NCOA1: variants seen among roughly 807,000 people sequenced by gnomAD.
NCOA1 encodes the protein nuclear receptor coactivator 1, also known as Hin-2 protein.
A neutral mutation model predicts 150.9 loss-of-function variants in NCOA1; 35 were observed. The observed-to-expected ratio is 0.23, with a 90% CI of 0.18 to 0.31. NCOA1 has a LOEUF of 0.31. Among genes scored for constraint, NCOA1 ranks in the 10% least tolerant of loss-of-function variants. The pLI is 1.00. For missense variants in NCOA1, 1,491 were observed against 1,749.3 expected (o/e 0.85, Z 2.63); for synonymous variants, 590 against 630.0 (o/e 0.94, Z 0.95).
chr2:24,750,335 A>G (rs940134082), intron 19 of NCOA1, among the ~76,000 whole-genome samples: 105 of 152,316 alleles, frequency 6.9e-4, no homozygotes, highest in African/African-American at 2.4e-3. Context: ...TATCTACCTA[A>G]TTTCAAAAAT....
chr2:24,689,124 C>T (rs1376531659), intron 8 of NCOA1, among the ~76,000 whole-genome samples: 1 of 152,028 alleles, frequency 6.6e-6, no homozygotes, highest in Non-Finnish European at 1.5e-5. Context: ...TTACTGTACC[C>T]CTGTAATATA....
chr2:24,707,194 T>G lies in NCOA1; in HGVS notation c.1724T>G (p.Ile575Arg), dbSNP rs201668820. The G allele has an allele frequency of 9.3e-6, 15 of 1,614,204 alleles. No homozygotes were observed. The highest frequency in any genetic ancestry group is 1.2e-5 in the Non-Finnish European group (14 of 1,180,026). ...CAGAATTCACCTAGCAGATTAAATA[T>G]ACAACCAGCAAAAGCTGAGTCCAAA... Reference protein sequence around the residue: ...SSQNSPSRLNIQPAKAESKDN... With the variant: ...SSQNSPSRLNRQPAKAESKDN... The change falls in exon 13 of 23, where the codon ATA becomes AGA. Residue 575 changes from isoleucine (I) to arginine (R), a missense_variant. By Grantham distance (97) the Ile-to-Arg change is moderately conservative. Transcript: ENST00000348332.
At chr2:24,737,387 T>G (rs953494786) in intron 17 of NCOA1, among the ~76,000 whole-genome samples, 2 of 152,184 alleles carry the variant, frequency 1.3e-5, no homozygotes, top group African/African-American at 4.8e-5. Context: ...AGAAAGTACT[T>G]GTAGATTTAT....
rs568840668 is a variant in NCOA1, at chr2:24,528,220, A to G, written c.-395-36075A>G. ...GCCTGAGCTTTTGGTGTGTTGTGTT[A>G]AGAAATCATTGCCAAGGCCACTGTC... is the stretch of plus-strand genomic sequence containing the variant. On this transcript the variant is annotated intron_variant, in intron 1 of 22. Coordinates refer to ENST00000348332, the MANE Select transcript of NCOA1 (RefSeq NM_003743.5). Among the ~76,000 whole-genome samples, 4 of 152,188 alleles carry G rather than the reference A, an allele frequency of 2.6e-5. No individual in the cohort carries two copies. In the South Asian group the frequency reaches 8.3e-4, roughly 32 times the overall value.
At chr2:24,514,394 TA>T (rs1664074408) in intron 1 of NCOA1, among the ~76,000 whole-genome samples, 1 of 151,926 alleles carries the variant, frequency 6.6e-6, no homozygotes, top group Non-Finnish European at 1.5e-5. Context: ...TCATTACCTA[TA>T]TATTACTCGA....
At chr2:24,734,712 T>A (rs1663201017) in intron 17 of NCOA1, among the ~76,000 whole-genome samples, 2 of 152,010 alleles carry the variant, frequency 1.3e-5, no homozygotes, top group Admixed American at 1.3e-4. Context: ...GAGCCTAAGT[T>A]GGGAGGATCT....
chr2:24,696,985 C>G (rs996995428), intron 10 of NCOA1, among the ~76,000 whole-genome samples: 1 of 152,086 alleles, frequency 6.6e-6, no homozygotes, highest in African/African-American at 2.4e-5. Context: ...AATTGGCCCT[C>G]TGTTAACTGA....
chr2:24,635,169 ATTCC>A (rs1323689012), intron 3 of NCOA1, among the ~76,000 whole-genome samples: 5 of 151,002 alleles, frequency 3.3e-5, no homozygotes, highest in African/African-American at 1.2e-4. Context: ...TCTTCCCCCC[ATTCC>A]TTCATATTTC....
At position 24,565,719 on chromosome 2, in the gene NCOA1, C is replaced by T. The variant is rs916172878; in HGVS notation, c.-260+1289C>T. ...GGATCCCATGCCTGCCAAGGGCGAGCGGAGCAGCAGGGGGTGTGTGAGCAA... is the reference window on the plus strand; with the variant it reads ...GGATCCCATGCCTGCCAAGGGCGAGTGGAGCAGCAGGGGGTGTGTGAGCAA... On this transcript the variant is annotated intron_variant, in intron 2 of 22. Transcript: ENST00000348332. Among the ~76,000 whole-genome samples, 13 of 152,244 alleles carry T rather than the reference C, an allele frequency of 8.5e-5. No homozygotes were observed. The East Asian group carries it at 1.7e-3, about 20-fold the overall frequency.
At chr2:24,686,213 G>A (rs973037789) in intron 8 of NCOA1, among the ~76,000 whole-genome samples, 4 of 151,994 alleles carry the variant, frequency 2.6e-5, no homozygotes, top group Non-Finnish European at 2.9e-5. Context: ...ATGTTGGCCA[G>A]GCTGGTCTCG....
At chr2:24,578,234 A>G (rs958068900) in intron 2 of NCOA1, among the ~76,000 whole-genome samples, 1 of 152,192 alleles carries the variant, frequency 6.6e-6, no homozygotes, top group Non-Finnish European at 1.5e-5. Context: ...GAATTGTTTA[A>G]TAAGTTTTGG....
intron 20 of NCOA1, among the ~76,000 whole-genome samples, chr2:24,755,495 C>T (rs1452921339): frequency 6.6e-6 from 1 of 152,260 alleles, no homozygotes; most frequent in Non-Finnish European, 1.5e-5. Flanking sequence ...ATTCATCCTT[C>T]TCTTTTTCCC....
At chr2:24,734,693 A>T (rs62142351) in intron 17 of NCOA1, among the ~76,000 whole-genome samples, 11,273 of 152,098 alleles carry the variant, frequency 0.074, 497 homozygotes, top group African/African-American at 0.12. Context: ...TGTAGTCCCA[A>T]CTACTTAGGA....
At chr2:24,492,918 T>C (rs190741990) in intron 1 of NCOA1, among the ~76,000 whole-genome samples, 1 of 151,400 alleles carries the variant, frequency 6.6e-6, no homozygotes, top group African/African-American at 2.4e-5. Context: ...AGGGTTAAAT[T>C]TGTTTGAGGT....
At chr2:24,659,622 G>A (rs1225337589) in intron 5 of NCOA1, among the ~76,000 whole-genome samples, 2 of 152,142 alleles carry the variant, frequency 1.3e-5, no homozygotes, top group African/African-American at 4.8e-5. Flanking sequence ...TAGGTTAAAA[G>A]AGCAGCTAGC....
chr2:24,606,125 G>GT (rs1053071777), intron 3 of NCOA1, among the ~76,000 whole-genome samples: 47 of 152,128 alleles, frequency 3.1e-4, no homozygotes, highest in African/African-American at 1.1e-3. Context: ...TTAATCTGAT[G>GT]TTTTACCAGT....
intron 20 of NCOA1, among the ~76,000 whole-genome samples, chr2:24,755,058 C>A (rs565007375): frequency 6.6e-5 from 10 of 152,262 alleles, no homozygotes; most frequent in Non-Finnish European, 1.3e-4. Context: ...CACCTGGAGA[C>A]AGTGACCACT....
At chr2:24,696,891 C>CTA (rs1180035199) in intron 10 of NCOA1, among the ~76,000 whole-genome samples, 6 of 151,256 alleles carry the variant, frequency 4.0e-5, no homozygotes, top group African/African-American at 4.9e-5. Flanking sequence ...TATATATATT[C>CTA]TATATATATC....
chr2:24,536,457 C>T (rs1418650420), intron 1 of NCOA1, among the ~76,000 whole-genome samples: 1 of 152,170 alleles, frequency 6.6e-6, no homozygotes, highest in Non-Finnish European at 1.5e-5. Context: ...CTTCTGTCAT[C>T]TCATCAAAGT....
Sources: gnomAD v4.1 joint callset for allele counts (sites outside exome capture counted in the v4.1 genomes callset) on GRCh38, gnomAD v4.1.1 for gene constraint, MANE v1.5 for transcripts, NCBI Gene and HGNC (gene_info 2026-07-23, HGNC 2026-07-21) for gene names.